Variants in ADGRL1 observed in about 807,000 individuals in gnomAD.
The protein encoded by ADGRL1 is adhesion G protein-coupled receptor L1.
ADGRL1 carries 31 observed loss-of-function variants against 148.9 expected under a neutral mutation model. The observed-to-expected ratio is 0.21, with a 90% confidence interval of 0.16 to 0.28. ADGRL1 has a LOEUF of 0.28. Ranked by LOEUF, ADGRL1 falls within the 10% of genes least tolerant of loss-of-function variation. The probability of loss-of-function intolerance (pLI) is 1.00; values close to 1 mark genes in which losing one functional copy is unlikely to be tolerated. For synonymous variants in ADGRL1, 937 were observed against 900.3 expected, an observed-to-expected ratio of 1.04 and a Z score of -0.73; for missense variants, 1,521 against 2,058.8, an observed-to-expected ratio of 0.74 and a Z score of 5.05.
intron 1 of ADGRL1, among the ~76,000 whole-genome samples, chr19:14,199,291 T>C (rs1234789499): frequency 1.3e-5 from 2 of 152,156 alleles, no homozygotes; most frequent in Admixed American, 1.3e-4. Flanking sequence ...CACATCTTTT[T>C]TGGAGCATCT....
intron 4 of ADGRL1, 92 bp from the exon 5 acceptor site, chr19:14,163,498 G>GAA: frequency 5.3e-6 from 5 of 948,398 alleles, no homozygotes; most frequent in Non-Finnish European, 7.5e-6. Flanking sequence ...GAGAGAGAGA[G>GAA]GGGGGAGAGA....
At position 14,160,510 on chromosome 19, in the gene ADGRL1, C is replaced by A; in HGVS notation, c.1614+83G>T. The stretch of plus-strand genomic sequence containing the variant: ...TTCCAGACCTGCCAGCCCATGTCTC[C>A]CCAGCTGCTCCACGACCCCCGCTGG... On this transcript the variant is annotated intron_variant, in intron 7 of 22. Coordinates refer to ENST00000361434, the MANE Select transcript of ADGRL1 (RefSeq NM_014921.5). This position sits in a 1 kb window ranked among gnomAD's most constrained non-coding sequence, Gnocchi z 5.9. 1 of 1,097,728 alleles carries A rather than the reference C, an allele frequency of 9.1e-7. No homozygotes were observed. The highest frequency in any genetic ancestry group is 1.3e-6 in the Non-Finnish European group (1 of 770,732). 68.0% of individuals were successfully genotyped at this position (1,097,728 alleles called of 1,614,324 possible).
intron 1 of ADGRL1, among the ~76,000 whole-genome samples, chr19:14,189,105 T>A (rs943346346): frequency 2.0e-5 from 3 of 152,144 alleles, no homozygotes; most frequent in Non-Finnish European, 2.9e-5. Flanking sequence ...TAAACAATAA[T>A]GCCCACTCCC....
In ADGRL1 at chr19:14,160,985, C is replaced by T. The variant is rs1203738382; in HGVS notation, c.1511-289G>A. Among the ~76,000 whole-genome samples the T allele has an allele frequency of 6.6e-6, 1 of 152,200 alleles. No individual in the cohort carries two copies. Among genetic ancestry groups the T allele is most frequent in the Non-Finnish European group, 1.5e-5 (1 of 68,030 alleles). On this transcript the variant is annotated intron_variant, in intron 6 of 22. Coordinates refer to ENST00000361434, the MANE Select transcript of ADGRL1 (RefSeq NM_014921.5). The surrounding 1 kb of genome is among the most constrained non-coding windows in gnomAD (Gnocchi z 5.9). ...TCTCCACGAAGCACCTGCCAACCCT[C>T]CCCTCAGATCTCCAGGACACACGGC...
chr19:14,150,708 C>G lies in ADGRL1; in HGVS notation c.*165G>C. ...TCTGTGAACCCTGGCACCTCAGGCC[C>G]CCAGGTTAGAGTCCCCTGAGGGGAC... On this transcript the variant is annotated 3_prime_UTR_variant, in exon 23 of 23. Coordinates refer to ENST00000361434, the MANE Select transcript of ADGRL1 (RefSeq NM_014921.5). 1 of 765,548 alleles carries G rather than the reference C, an allele frequency of 1.3e-6. No homozygotes were observed. Among genetic ancestry groups the G allele is most frequent in the Non-Finnish European group, 2.0e-6 (1 of 496,104 alleles). The allele number at this position is 765,548 out of a possible 1,614,324, so 47.4% of individuals were successfully genotyped here.
chr19:14,174,756 G>A (rs540303396), intron 3 of ADGRL1, among the ~76,000 whole-genome samples: 9 of 150,962 alleles, frequency 6.0e-5, no homozygotes, highest in Non-Finnish European at 1.0e-4. Flanking sequence ...GGTTGGTCTC[G>A]AACTCCTGAC....
intron 1 of ADGRL1, 99 bp from the exon 2 acceptor site, chr19:14,183,796 G>A (rs979851145): frequency 3.1e-5 from 18 of 576,846 alleles, no homozygotes; most frequent in African/African-American, 2.9e-4. Context: ...CTGAGGTCCA[G>A]CACGTCCCTC....
At chr19:14,198,601 T>C (rs1289173502) in intron 1 of ADGRL1, among the ~76,000 whole-genome samples, 1 of 150,334 alleles carries the variant, frequency 6.7e-6, no homozygotes, top group Non-Finnish European at 1.5e-5. Flanking sequence ...ACCCCCTACC[T>C]CTACCCCCAC....
intron 1 of ADGRL1, among the ~76,000 whole-genome samples, chr19:14,204,260 T>A (rs1389391195): frequency 6.6e-6 from 1 of 152,064 alleles, no homozygotes; most frequent in African/African-American, 2.4e-5. Context: ...AAATTTGGCA[T>A]TAGTGGGAGG....
chr19:14,156,712 T>G lies in ADGRL1; in HGVS notation c.2979A>C (p.Arg993=), dbSNP rs375138532. 8.1e-6 allele frequency: 13 copies of G among 1,610,242 alleles called. No individual in the cohort carries two copies. Among genetic ancestry groups the G allele is most frequent in the Non-Finnish European group, 1.1e-5 (13 of 1,178,452 alleles). ...AACTCCAGATGAAGTAATTGTCCACTCGGAGCCAGCAGCTGTAAAGGAAAC... is the reference window on the plus strand; with the variant it reads ...AACTCCAGATGAAGTAATTGTCCACGCGGAGCCAGCAGCTGTAAAGGAAAC... The part of the protein sequence containing the change: ...SYGTEKACWL[R]VDNYFIWSFI... The change falls in exon 16 of 23, where the codon CGA becomes CGC. Residue 993 remains arginine (R), a synonymous_variant. Coordinates refer to ENST00000361434, the MANE Select transcript of ADGRL1 (RefSeq NM_014921.5).
chr19:14,181,517 G>C (rs1599480872), intron 2 of ADGRL1, among the ~76,000 whole-genome samples: 2 of 152,094 alleles, frequency 1.3e-5, no homozygotes, highest in Non-Finnish European at 2.9e-5. Flanking sequence ...TCAGGAATTC[G>C]AGACTAGCCT....
chr19:14,181,812 C>G (rs550785680), intron 2 of ADGRL1, among the ~76,000 whole-genome samples: 1 of 152,310 alleles, frequency 6.6e-6, no homozygotes, highest in South Asian at 2.1e-4. Flanking sequence ...CCTACAGCCC[C>G]GGGTCATCCT....
intron 1 of ADGRL1, among the ~76,000 whole-genome samples, chr19:14,205,677 G>A (rs566696510): frequency 2.0e-5 from 3 of 151,512 alleles, no homozygotes; most frequent in East Asian, 3.9e-4. Context: ...ACGCAGCCAC[G>A]CGCGGGCACA....
At chr19:14,181,975 TG>T (rs1319435697) in intron 2 of ADGRL1, among the ~76,000 whole-genome samples, 4 of 152,128 alleles carry the variant, frequency 2.6e-5, no homozygotes, top group African/African-American at 9.7e-5. Context: ...CTGAGCTCCC[TG>T]GGGGGATTGC....
At chr19:14,184,107 C>T (rs541087280) in intron 1 of ADGRL1, among the ~76,000 whole-genome samples, 26 of 152,300 alleles carry the variant, frequency 1.7e-4, no homozygotes, top group Middle Eastern at 3.4e-3. Flanking sequence ...CATTGCAACC[C>T]AACTTGCAGC....
At chr19:14,189,014 C>T (rs1393942814) in intron 1 of ADGRL1, among the ~76,000 whole-genome samples, 1 of 152,072 alleles carries the variant, frequency 6.6e-6, no homozygotes, top group Non-Finnish European at 1.5e-5. Flanking sequence ...GGCCTCCCAA[C>T]GTGTTGGGAT....
Position 14,152,199 on chromosome 19 carries a change from G to A in ADGRL1, c.3650-49C>T, listed in dbSNP as rs375137135. The stretch of plus-strand genomic sequence containing the variant: ...GAAGAGAAAAGGCAAGGATGAGCTC[G>A]AAATGCAAGTCCAGGCTCCAGTTCT... On this transcript the variant is annotated intron_variant, in intron 21 of 22. Coordinates refer to ENST00000361434, the MANE Select transcript of ADGRL1 (RefSeq NM_014921.5). The surrounding 1 kb of genome is among the most constrained non-coding windows in gnomAD (Gnocchi z 6.1). 11 of 1,613,954 alleles carry A rather than the reference G, an allele frequency of 6.8e-6. No individual in the cohort carries two copies. The highest frequency in any genetic ancestry group is 5.0e-5 in the Admixed American group (3 of 59,994).
chr19:14,163,488 G>C, intron 4 of ADGRL1, 82 bp from the exon 5 acceptor site: 3 of 1,065,688 alleles, frequency 2.8e-6, no homozygotes, highest in Non-Finnish European at 3.9e-6. Context: ...GAGAGAGAGA[G>C]AGAGAGAGAG....
Position 14,177,655 on chromosome 19 carries a change from C to T in ADGRL1, c.160G>A (p.Asp54Asn). 2 of 1,614,200 alleles carry T rather than the reference C, an allele frequency of 1.2e-6. No homozygotes were observed. The highest frequency in any genetic ancestry group is 1.1e-5 in the South Asian group (1 of 91,088). Reference protein sequence around the residue: ...YPIELRCPGSDVIMVENANYG... With the variant: ...YPIELRCPGSNVIMVENANYG... Reference sequence around the variant, plus strand: ...TTGGCATTCTCCACCATGATGACGTCGCTGCCGGGGCACCGCAGCTCGATG... The same window carrying T: ...TTGGCATTCTCCACCATGATGACGTTGCTGCCGGGGCACCGCAGCTCGATG... The change falls in exon 3 of 23, where the codon GAC becomes AAC. Residue 54 changes from aspartate (D) to asparagine (N), a missense_variant. Transcript: ENST00000361434.
Sources: gnomAD v4.1 joint callset for allele counts (sites outside exome capture counted in the v4.1 genomes callset) on GRCh38, gnomAD v4.1.1 for gene constraint, Gnocchi (gnomAD v3.1) non-coding constraint, MANE v1.5 for transcripts, NCBI Gene and HGNC (gene_info 2026-07-23, HGNC 2026-07-21) for gene names.